DCLK3: variants seen among roughly 807,000 people sequenced by gnomAD.
DCLK3 encodes the protein doublecortin like kinase 3.
Under a neutral mutation model 46.4 loss-of-function variants are expected in DCLK3, and 30 were observed. The observed-to-expected ratio is 0.65, with a 90% CI of 0.48 to 0.88. The LOEUF is 0.88. DCLK3 is among the 40% of genes least tolerant of loss of function. The probability of loss-of-function intolerance (pLI) is 0.00; values close to 1 mark genes in which losing one functional copy is unlikely to be tolerated. For missense variants in DCLK3, 846 were observed against 907.1 expected (o/e 0.93, Z 0.87); for synonymous variants, 401 against 339.2 (o/e 1.18, Z -2.00).
chr3:36,743,129 C>T (rs767441295), intron 1 of DCLK3, among the ~76,000 whole-genome samples: 12 of 151,984 alleles, frequency 7.9e-5, no homozygotes, highest in Non-Finnish European at 1.5e-4. Flanking sequence ...ACCAAAAATA[C>T]AAAATCTAAA....
At chr3:36,750,287 G>A (rs186619057) in intron 1 of DCLK3, among the ~76,000 whole-genome samples, 152 of 152,112 alleles carry the variant, frequency 1.0e-3, no homozygotes, top group Middle Eastern at 3.4e-3. Flanking sequence ...CTGCTGTGTT[G>A]GCCAGCCTGG....
rs1016454316 is a variant in DCLK3, at chr3:36,736,745, C to T, written c.1959+463G>A. 5.9e-5 allele frequency among the ~76,000 whole-genome samples: 9 copies of T among 152,338 alleles called. No individual in the cohort carries two copies. In the South Asian group the frequency reaches 1.9e-3, roughly 32 times the overall value. On this transcript the variant is annotated intron_variant, in intron 2 of 4. Transcript: ENST00000636136. ...CCACAGAGCCAGCCTCATCGGCACT[C>T]CTTACACAGACCCTTACAGTGCTGC...
chr3:36,748,239 G>C (rs1701409905), intron 1 of DCLK3, among the ~76,000 whole-genome samples: 1 of 152,202 alleles, frequency 6.6e-6, no homozygotes, highest in African/African-American at 2.4e-5. Flanking sequence ...CTCCCAAGGA[G>C]GAGATAACAG....
intron 1 of DCLK3, among the ~76,000 whole-genome samples, chr3:36,742,681 T>C (rs1701355303): frequency 6.6e-6 from 1 of 152,252 alleles, no homozygotes. Context: ...TCGGATGCAC[T>C]GATTTTTATC....
chr3:36,725,534 T>C (rs1701116646), intron 2 of DCLK3, among the ~76,000 whole-genome samples: 1 of 151,738 alleles, frequency 6.6e-6, no homozygotes, highest in African/African-American at 2.4e-5. Flanking sequence ...GGAGGATCAC[T>C]AGAGCCTGAG....
chr3:36,723,602 C>T (rs754412422), intron 2 of DCLK3, among the ~76,000 whole-genome samples: 5 of 152,162 alleles, frequency 3.3e-5, no homozygotes, highest in Admixed American at 6.5e-5. Flanking sequence ...GCCTCCCAGC[C>T]GCTCCAGCCA....
chr3:36,747,138 A>G (rs1368986031), intron 1 of DCLK3, among the ~76,000 whole-genome samples: 2 of 152,220 alleles, frequency 1.3e-5, no homozygotes, highest in East Asian at 3.9e-4. Context: ...TCTGTACAGT[A>G]TATAGAAGTG....
chr3:36,742,316 C>T (rs1701351762), intron 1 of DCLK3, among the ~76,000 whole-genome samples: 1 of 152,140 alleles, frequency 6.6e-6, no homozygotes, highest in African/African-American at 2.4e-5. Flanking sequence ...TTTCTGTGCT[C>T]AGCCAATTTC....
At chr3:36,740,172 C>T (rs1401858473) in intron 1 of DCLK3, among the ~76,000 whole-genome samples, 2 of 150,648 alleles carry the variant, frequency 1.3e-5, no homozygotes, top group Non-Finnish European at 2.9e-5. Flanking sequence ...GCTACACCTC[C>T]CTCCCAGGGT....
chr3:36,763,966 G>C (rs1701561497), intron 1 of DCLK3, among the ~76,000 whole-genome samples: 1 of 152,190 alleles, frequency 6.6e-6, no homozygotes, highest in African/African-American at 2.4e-5. Flanking sequence ...GTTTCAGGTG[G>C]TGTACACCCG....
At chr3:36,728,382 T>C (rs1004969862) in intron 2 of DCLK3, among the ~76,000 whole-genome samples, 5 of 152,170 alleles carry the variant, frequency 3.3e-5, no homozygotes, top group African/African-American at 1.2e-4. Context: ...GGACGGTGTC[T>C]GTTAGGTATT....
Position 36,737,268 on chromosome 3 carries a change from G to C in DCLK3, c.1899C>G (p.Ala633=). 4.3e-6 allele frequency: 7 copies of C among 1,614,122 alleles called. No homozygotes were observed. Among genetic ancestry groups the C allele is most frequent in the Non-Finnish European group, 5.9e-6 (7 of 1,180,024 alleles). Residue 633 remains alanine (A), a synonymous_variant, in exon 2 of 5, where the codon GCC becomes GCG. Transcript: ENST00000636136. This position sits in a 1 kb window ranked among gnomAD's most constrained non-coding sequence, Gnocchi z 4.4. ...TGCTCTTGTCGTGCATGTGGACGAG[G>C]GCTTTGCATAAGTCCATGATCATGA... ...AALMIMDLCK[A]LVHMHDKSIV... is the part of the protein sequence containing the mutation.
rs992880727 is a variant in DCLK3 at position 36,714,192 on chromosome 3, A to T, written c.*1136T>A. The T allele has an allele frequency of 1.3e-5, 2 of 152,202 alleles. No individual in the cohort carries two copies. The highest frequency in any genetic ancestry group is 4.8e-5 in the African/African-American group (2 of 41,446). The allele number at this position is 152,202 out of a possible 1,614,324, so 9.4% of individuals were successfully genotyped here. A position where few individuals can be genotyped will look rare whatever the true frequency, so the allele number is the denominator to read the frequency against. On this transcript the variant is annotated 3_prime_UTR_variant, in exon 5 of 5. Transcript: ENST00000636136. The stretch of plus-strand genomic sequence containing the variant: ...CCAAAACCTGATTAAGCAATTCCTT[A>T]TGTTGAATTCTCTAGTACTATTCCG...
intron 2 of DCLK3, among the ~76,000 whole-genome samples, chr3:36,733,434 A>T (rs1310446904): frequency 6.6e-6 from 1 of 152,078 alleles, no homozygotes; most frequent in Non-Finnish European, 1.5e-5. Flanking sequence ...CCCTTCCCCC[A>T]TCCTGCTCAC....
intron 1 of DCLK3, among the ~76,000 whole-genome samples, chr3:36,746,599 A>AT (rs1701395466): frequency 6.6e-6 from 1 of 152,156 alleles, no homozygotes; most frequent in Non-Finnish European, 1.5e-5. Context: ...CTCATGCTTC[A>AT]TGCAAACCAG....
In DCLK3 at chr3:36,764,284, G is replaced by A. The variant is rs7639185; in HGVS notation, c.-21C>T. On this transcript the variant is annotated 5_prime_UTR_variant, in exon 1 of 5. Coordinates refer to ENST00000636136, the MANE Select transcript of DCLK3 (RefSeq NM_001394672.2). The surrounding 1 kb of genome is among the most constrained non-coding windows in gnomAD (Gnocchi z 4.9). ...GGCATGGCGCGGCGGCGGGCTCGGG[G>A]AGAGCCTGGAGCAGAGGTGGCAGCG... is the stretch of plus-strand genomic sequence containing the variant. 0.15 allele frequency: 34,319 copies of A among 229,774 alleles called. 2,915 individuals are homozygous for A. Among genetic ancestry groups the A allele is most frequent in the South Asian group, 0.21 (1,308 of 6,346 alleles). The allele number at this position is 229,774 out of a possible 1,614,324, so 14.2% of individuals were successfully genotyped here.
Position 36,746,421 on chromosome 3 carries a change from TG to T in DCLK3, c.83-7338del, listed in dbSNP as rs140765758. ...AGTTGTTTACAAGAGTGTTTTTAAG[TG>T]GACATTCCTTTTCTCACTTTTAAAG... On this transcript the variant is annotated intron_variant, in intron 1 of 4. Transcript: ENST00000636136. Among the ~76,000 whole-genome samples the T allele has an allele frequency of 5.0e-3, 764 of 152,348 alleles. 10 individuals are homozygous for T. The highest frequency in any genetic ancestry group is 0.018 in the African/African-American group (731 of 41,572).
chr3:36,750,036 T>C (rs1249901884), intron 1 of DCLK3, among the ~76,000 whole-genome samples: 2 of 152,098 alleles, frequency 1.3e-5, no homozygotes, highest in Non-Finnish European at 1.5e-5. Context: ...TAAATTTCTT[T>C]TACTTCTTAA....
intron 1 of DCLK3, among the ~76,000 whole-genome samples, chr3:36,747,828 G>A (rs1701405852): frequency 6.6e-6 from 1 of 152,094 alleles, no homozygotes; most frequent in East Asian, 1.9e-4. Context: ...AGTATCACCT[G>A]GGAGCATCTT....
Sources: allele counts gnomAD v4.1 joint callset (sites outside exome capture counted in the v4.1 genomes callset), GRCh38; gene constraint gnomAD v4.1.1; non-coding constraint Gnocchi (gnomAD v3.1); transcripts MANE v1.5; gene names NCBI Gene and HGNC (gene_info 2026-07-23, HGNC 2026-07-21).